RBFOX1: variants seen among roughly 807,000 people sequenced by gnomAD.
RBFOX1 encodes RNA binding protein fox-1 homolog 1.
A neutral mutation model predicts 57.7 loss-of-function variants in RBFOX1; 8 were observed. The ratio of observed to expected loss-of-function variants is 0.14; its 90% CI spans 0.08 to 0.25. The LOEUF (loss-of-function observed/expected upper bound fraction) is 0.25, where lower values mean the gene tolerates loss of function less well. RBFOX1 is among the 10% of genes least tolerant of loss of function. RBFOX1 has a pLI of 1.00. For synonymous variants in RBFOX1, 326 were observed against 222.4 expected, an observed-to-expected ratio of 1.47 and a Z score of -4.15; for missense variants, 611 against 548.5, an observed-to-expected ratio of 1.11 and a Z score of -1.14.
chr16:6,629,850 ATTC>A (rs2098360960), intron 2 of RBFOX1, among the ~76,000 whole-genome samples: 1 of 151,160 alleles, frequency 6.6e-6, no homozygotes, highest in Admixed American at 6.6e-5. Flanking sequence ...TTTATTTTTT[ATTC>A]TTCTCATTTT....
chr16:7,475,797 C>T (rs2062553156), intron 4 of RBFOX1, among the ~76,000 whole-genome samples: 1 of 152,104 alleles, frequency 6.6e-6, no homozygotes, highest in Non-Finnish European at 1.5e-5. Context: ...GCTAACAGAG[C>T]ACCTGAAAGT....
At chr16:5,704,147 A>G (rs1445152575) in intron 3 of RBFOX1, among the ~76,000 whole-genome samples, 2 of 152,166 alleles carry the variant, frequency 1.3e-5, no homozygotes, top group Non-Finnish European at 2.9e-5. Context: ...CATGACAGCA[A>G]GAAGAGGGGA....
chr16:5,391,134 G>A (rs2066397005), intron 1 of RBFOX1, among the ~76,000 whole-genome samples: 1 of 152,186 alleles, frequency 6.6e-6, no homozygotes, highest in Admixed American at 6.5e-5. Context: ...GTTAGGTTGT[G>A]TTAGGAAAGC....
At chr16:6,440,925 G>T (rs2094364643) in intron 2 of RBFOX1, among the ~76,000 whole-genome samples, 1 of 152,136 alleles carries the variant, frequency 6.6e-6, no homozygotes, top group Admixed American at 6.6e-5. Context: ...CTCTAAGAAT[G>T]GATGCTTGAT....
At chr16:7,303,069 G>A (rs182693520) in intron 4 of RBFOX1, among the ~76,000 whole-genome samples, 1 of 152,314 alleles carries the variant, frequency 6.6e-6, no homozygotes, top group African/African-American at 2.4e-5. Flanking sequence ...GGTGTTCTGG[G>A]CTGGGAGAAG....
intron 4 of RBFOX1, among the ~76,000 whole-genome samples, chr16:7,316,812 T>A (rs73559875): frequency 0.021 from 3,247 of 152,054 alleles, 65 homozygotes; most frequent in African/African-American, 0.051. Flanking sequence ...TGCCTGTTGC[T>A]TGCCTAGGTG....
intron 2 of RBFOX1, among the ~76,000 whole-genome samples, chr16:6,367,749 A>AAG (rs36147036): frequency 1.9e-4 from 4 of 20,858 alleles, no homozygotes; most frequent in Non-Finnish European, 4.2e-4. Context: ...TGCAATTGTT[A>AAG]AAAAAAAAAA....
chr16:5,465,791 T>C (rs982126132), intron 1 of RBFOX1, among the ~76,000 whole-genome samples: 1 of 152,262 alleles, frequency 6.6e-6, no homozygotes, highest in Non-Finnish European at 1.5e-5. Flanking sequence ...TGAAGTAGGC[T>C]GAGGAATTTG....
At chr16:6,360,602 C>T (rs2088280938) in intron 2 of RBFOX1, among the ~76,000 whole-genome samples, 1 of 152,208 alleles carries the variant, frequency 6.6e-6, no homozygotes, top group Admixed American at 6.5e-5. Flanking sequence ...AGCTGTAACA[C>T]TCTGGTGAAG....
intron 3 of RBFOX1, among the ~76,000 whole-genome samples, chr16:5,650,276 C>A (rs1377698465): frequency 1.3e-5 from 2 of 151,852 alleles, no homozygotes; most frequent in East Asian, 3.9e-4. Context: ...TGAAGTGCCC[C>A]TTTCTGGGCT....
chr16:6,168,151 G>A (rs573997568), intron 1 of RBFOX1, among the ~76,000 whole-genome samples: 2 of 152,212 alleles, frequency 1.3e-5, no homozygotes, highest in Non-Finnish European at 2.9e-5. Flanking sequence ...GCTGATATGC[G>A]GCTTATCTTT....
intron 2 of RBFOX1, among the ~76,000 whole-genome samples, chr16:6,590,808 T>A (rs1475095221): frequency 6.6e-6 from 1 of 151,172 alleles, no homozygotes; most frequent in African/African-American, 2.4e-5. Flanking sequence ...TGTTTCATAA[T>A]ACATGGACAG....
chr16:6,014,962 CCCCCCACCTCA>C (rs1414044159), upstream of RBFOX1, among the ~76,000 whole-genome samples: 2 of 151,636 alleles, frequency 1.3e-5, no homozygotes, highest in Non-Finnish European at 2.9e-5. Flanking sequence ...CTTAAGCAAT[CCCCCCACCTCA>C]GCCTCCCAAG....
At chr16:6,495,073 C>G (rs2095730785) in intron 2 of RBFOX1, among the ~76,000 whole-genome samples, 1 of 152,102 alleles carries the variant, frequency 6.6e-6, no homozygotes, top group Non-Finnish European at 1.5e-5. Flanking sequence ...CTGGAGAACC[C>G]CGCATTTTAA....
chr16:6,097,885 G>A lies in RBFOX1; in HGVS notation c.-127+77893G>A, dbSNP rs1048655166. On this transcript the variant is annotated intron_variant, in intron 1 of 15. Transcript: ENST00000550418. The surrounding 1 kb of genome is among the most constrained non-coding windows in gnomAD (Gnocchi z 5.0). ...TGTCTGATTTGTGCATGGCTATTTT[G>A]CGATTTGCCATTGCTGGAATATTTA... Among the ~76,000 whole-genome samples, 1 of 151,826 alleles carries A rather than the reference G, an allele frequency of 6.6e-6. No individual in the cohort carries two copies. Among genetic ancestry groups the A allele is most frequent in the Non-Finnish European group, 1.5e-5 (1 of 68,010 alleles).
intron 4 of RBFOX1, among the ~76,000 whole-genome samples, chr16:7,056,173 C>A (rs548650896): frequency 2.0e-5 from 3 of 152,086 alleles, no homozygotes; most frequent in Non-Finnish European, 4.4e-5. Context: ...GCTTCCTGTC[C>A]CCTACCCTTC....
intron 4 of RBFOX1, among the ~76,000 whole-genome samples, chr16:7,194,519 A>C (rs1040937915): frequency 6.6e-6 from 1 of 152,204 alleles, no homozygotes; most frequent in African/African-American, 2.4e-5. Flanking sequence ...CAAAATGTAC[A>C]TTTAAATTAC....
At chr16:6,869,578 G>C (rs1603634615) in intron 3 of RBFOX1, among the ~76,000 whole-genome samples, 1 of 152,088 alleles carries the variant, frequency 6.6e-6, no homozygotes, top group Middle Eastern at 3.4e-3. Flanking sequence ...TCTGTGCAGA[G>C]TAGGATGAAA....
chr16:5,987,339 C>A (rs1163250944), intron 4 of RBFOX1, among the ~76,000 whole-genome samples: 1 of 152,102 alleles, frequency 6.6e-6, no homozygotes, highest in Non-Finnish European at 1.5e-5. Context: ...TAGCTTGTCT[C>A]CTCATCCTCT....
Sources: allele counts gnomAD v4.1 joint callset (sites outside exome capture counted in the v4.1 genomes callset), GRCh38; gene constraint gnomAD v4.1.1; non-coding constraint Gnocchi (gnomAD v3.1); transcripts MANE v1.5; gene names NCBI Gene and HGNC (gene_info 2026-07-23, HGNC 2026-07-21).